Variants in CNTNAP5 observed in about 807,000 individuals in gnomAD.
CNTNAP5 encodes contactin-associated protein-like 5.
In CNTNAP5, 72 loss-of-function variants were observed where a neutral mutation model predicts 150.2. The observed-to-expected ratio is 0.48, with a 90% CI of 0.40 to 0.58. The LOEUF is 0.58. Ranked by LOEUF, CNTNAP5 falls within the 20% of genes least tolerant of loss-of-function variation. CNTNAP5 has a pLI of 0.00. For synonymous variants in CNTNAP5, 672 were observed against 619.8 expected, an observed-to-expected ratio of 1.08 and a Z score of -1.25; for missense variants, 1,636 against 1,626.2, an observed-to-expected ratio of 1.01 and a Z score of -0.10.
At chr2:124,495,513 G>A (rs1214126899) in intron 7 of CNTNAP5, among the ~76,000 whole-genome samples, 1 of 152,220 alleles carries the variant, frequency 6.6e-6, no homozygotes, top group Admixed American at 6.5e-5. Context: ...ATAGGCAGCT[G>A]CTGAGAGGCC....
At chr2:124,045,710 CCTT>C (rs753155298) in intron 1 of CNTNAP5, among the ~76,000 whole-genome samples, 67 of 152,126 alleles carry the variant, frequency 4.4e-4, no homozygotes, top group Non-Finnish European at 6.5e-4. Flanking sequence ...ATATTAATAA[CCTT>C]CTTTTTATTC....
intron 17 of CNTNAP5, among the ~76,000 whole-genome samples, chr2:124,786,430 G>GGAAGGAAGGAAGGAAGGAAC (rs1558775180): frequency 1.2e-4 from 12 of 102,242 alleles, no homozygotes; most frequent in African/African-American, 5.8e-4. Context: ...AAGGAAGGAA[G>GGAAGGAAGGAAGGAAGGAAC]GAAGGAAGGA....
chr2:124,504,117 A>G (rs1694342200), intron 7 of CNTNAP5, among the ~76,000 whole-genome samples, 175 bp from the exon 8 acceptor site: 1 of 152,176 alleles, frequency 6.6e-6, no homozygotes, highest in Admixed American at 6.5e-5. Flanking sequence ...ATGAGCGGAA[A>G]ACGATCTTGT....
chr2:124,426,003 T>G (rs1224786540), intron 4 of CNTNAP5, among the ~76,000 whole-genome samples: 1 of 152,100 alleles, frequency 6.6e-6, no homozygotes, highest in African/African-American at 2.4e-5. Context: ...AAATTTTAAG[T>G]GCACCCCGAA....
chr2:124,259,033 G>T (rs1276092548), intron 3 of CNTNAP5, among the ~76,000 whole-genome samples: 2 of 126,044 alleles, frequency 1.6e-5, no homozygotes, highest in Admixed American at 9.4e-5. Context: ...ACAGGCCCCG[G>T]TGTGTGATGT....
chr2:124,643,319 G>A (rs930103232), intron 12 of CNTNAP5, among the ~76,000 whole-genome samples: 33 of 152,156 alleles, frequency 2.2e-4, no homozygotes, highest in Admixed American at 1.6e-3. Context: ...GTGTGCAGTA[G>A]AAGTAATGAA....
At chr2:124,296,696 G>A (rs934361928) in intron 3 of CNTNAP5, among the ~76,000 whole-genome samples, 1 of 152,082 alleles carries the variant, frequency 6.6e-6, no homozygotes, top group African/African-American at 2.4e-5. Flanking sequence ...GCCTCTCTTA[G>A]TATAGAGACC....
chr2:124,046,433 GA>G (rs55954535), intron 1 of CNTNAP5, among the ~76,000 whole-genome samples: 1,548 of 134,580 alleles, frequency 0.012, 15 homozygotes, highest in African/African-American at 0.041. Flanking sequence ...ACAAAAGAGA[GA>G]AAAAAAAAAA....
At chr2:124,025,857 G>C (rs759270993) in intron 1 of CNTNAP5, 125 bp downstream of exon 1, 22 of 822,714 alleles carry the variant, frequency 2.7e-5, no homozygotes, top group Non-Finnish European at 4.3e-5. Flanking sequence ...AAAAAATGCT[G>C]ATCAGTGTGG....
chr2:124,233,041 GT>G (rs10716079), intron 2 of CNTNAP5, among the ~76,000 whole-genome samples: 86,006 of 145,300 alleles, frequency 0.59, 25,153 homozygotes, highest in Middle Eastern at 0.69. Context: ...GTATCTGTGG[GT>G]TTTTTTTTTT....
At chr2:124,379,332 T>C (rs1044504255) in intron 3 of CNTNAP5, among the ~76,000 whole-genome samples, 6 of 152,122 alleles carry the variant, frequency 3.9e-5, no homozygotes, top group African/African-American at 1.4e-4. Context: ...CTCTGGCTAT[T>C]CATCTCTCCC....
chr2:124,254,131 T>G (rs1040268148), intron 3 of CNTNAP5, among the ~76,000 whole-genome samples: 1 of 152,148 alleles, frequency 6.6e-6, no homozygotes, highest in Non-Finnish European at 1.5e-5. Context: ...GCAATCTACA[T>G]AGACTCCCAA....
intron 1 of CNTNAP5, among the ~76,000 whole-genome samples, chr2:124,150,628 T>C (rs1433704303): frequency 6.6e-6 from 1 of 151,882 alleles, no homozygotes; most frequent in African/African-American, 2.4e-5. Flanking sequence ...CTTCTCCTTG[T>C]ACCCTCACAT....
At chr2:124,455,532 T>C (rs541913970) in intron 6 of CNTNAP5, among the ~76,000 whole-genome samples, 1 of 151,982 alleles carries the variant, frequency 6.6e-6, no homozygotes, top group Non-Finnish European at 1.5e-5. Context: ...AGAGACATGA[T>C]AGAGAAAGAG....
intron 13 of CNTNAP5, among the ~76,000 whole-genome samples, chr2:124,652,506 T>C (rs146966096): frequency 6.6e-6 from 1 of 152,282 alleles, no homozygotes; most frequent in Admixed American, 6.5e-5. Flanking sequence ...AGGCGACATG[T>C]GATGAGCATA....
chr2:124,711,014 T>G (rs1679794531), intron 13 of CNTNAP5, among the ~76,000 whole-genome samples: 1 of 152,216 alleles, frequency 6.6e-6, no homozygotes, highest in African/African-American at 2.4e-5. Context: ...GGCTCACGCC[T>G]GTAATCCCCG....
intron 13 of CNTNAP5, among the ~76,000 whole-genome samples, chr2:124,706,758 GAA>G (rs1679649133): frequency 8.0e-5 from 2 of 24,938 alleles, no homozygotes; most frequent in Non-Finnish European, 1.5e-4. Context: ...AGAAGAAGAA[GAA>G]GAAGAAGAAG....
Position 124,491,630 on chromosome 2 carries a change from G to A in CNTNAP5, c.1063-12662G>A, listed in dbSNP as rs541995058. ...TACTCAGAAGTGGAATTGCTAATATGGCAGATCTACCTTTTGGTTTCTAGG... is the reference window on the plus strand; with the variant it reads ...TACTCAGAAGTGGAATTGCTAATATAGCAGATCTACCTTTTGGTTTCTAGG... On this transcript the variant is annotated intron_variant, in intron 7 of 23. Coordinates refer to ENST00000682447, the MANE Select transcript of CNTNAP5 (RefSeq NM_001367498.1). Among the ~76,000 whole-genome samples the A allele has an allele frequency of 1.4e-3, 215 of 152,066 alleles. 1 individual carries two copies. Among genetic ancestry groups the A allele is most frequent in the African/African-American group, 5.0e-3 (207 of 41,492 alleles).
chr2:124,802,216 C>T (rs1385078683), intron 19 of CNTNAP5, among the ~76,000 whole-genome samples: 3 of 152,196 alleles, frequency 2.0e-5, no homozygotes, highest in African/African-American at 7.2e-5. Flanking sequence ...ACACAATTCT[C>T]AGCTTGCAAA....
Sources: allele counts gnomAD v4.1 joint callset (sites outside exome capture counted in the v4.1 genomes callset), GRCh38; gene constraint gnomAD v4.1.1; transcripts MANE v1.5; gene names NCBI Gene and HGNC (gene_info 2026-07-23, HGNC 2026-07-21).